CCDC62: variants seen among roughly 807,000 people sequenced by gnomAD.
CCDC62 encodes coiled-coil domain containing 62, also known as coiled-coil domain-containing protein 62.
A neutral mutation model predicts 80.8 loss-of-function variants in CCDC62; 72 were observed. The ratio of observed to expected loss-of-function variants is 0.89; its 90% confidence interval spans 0.74 to 1.08. CCDC62 has a LOEUF of 1.08. CCDC62 is among the 50% of genes least tolerant of loss of function. The probability of loss-of-function intolerance (pLI) is 0.00; values close to 1 mark genes in which losing one functional copy is unlikely to be tolerated. For missense variants in CCDC62, 704 were observed against 809.4 expected (o/e 0.87, Z 1.58); for synonymous variants, 286 against 296.5 (o/e 0.96, Z 0.36).
At chr12:122,804,699 T>C (rs987341115) in intron 9 of CCDC62, among the ~76,000 whole-genome samples, 1 of 151,942 alleles carries the variant, frequency 6.6e-6, no homozygotes, top group Non-Finnish European at 1.5e-5. Flanking sequence ...TTTTCACAAG[T>C]ATAACCTTAT....
intron 11 of CCDC62, among the ~76,000 whole-genome samples, 159 bp from the exon 12 acceptor site, chr12:122,823,207 C>T (rs7954285): frequency 0.8 from 121,797 of 152,132 alleles, 49,749 homozygotes; most frequent in Middle Eastern, 0.9. Context: ...GTGATCCGCC[C>T]ACCCTGGCCT....
intron 2 of CCDC62, among the ~76,000 whole-genome samples, chr12:122,779,736 T>C (rs1039758383): frequency 1.3e-5 from 2 of 151,718 alleles, no homozygotes; most frequent in Non-Finnish European, 2.9e-5. Flanking sequence ...GGTGAAACCC[T>C]GTCTCTACTA....
At chr12:122,790,135 C>T (rs1023439276) in intron 5 of CCDC62, among the ~76,000 whole-genome samples, 2 of 152,094 alleles carry the variant, frequency 1.3e-5, no homozygotes, top group Admixed American at 6.5e-5. Flanking sequence ...ACTGCAACCT[C>T]CACCTCCTGG....
In CCDC62 at chr12:122,781,194, G is replaced by A; in HGVS notation, c.260G>A (p.Arg87Lys). The A allele has an allele frequency of 6.2e-7, 1 of 1,613,834 alleles. No homozygotes were observed. The highest frequency in any genetic ancestry group is 8.5e-7 in the Non-Finnish European group (1 of 1,179,916). The change falls in exon 3 of 13, where the codon AGG becomes AAG. Residue 87 changes from arginine (R) to lysine (K), a missense_variant. By Grantham distance (26) the Arg-to-Lys change is conservative. Transcript: ENST00000253079. ...GELHKRTEII[R>K]SLTKKVKALE... ...CTACATAAAAGAACTGAAATAATCA[G>A]GTCACTCACGAAGAAGGTAAAAGCT...
At chr12:122,814,847 A>G (rs1447257246) in intron 11 of CCDC62, among the ~76,000 whole-genome samples, 3 of 147,700 alleles carry the variant, frequency 2.0e-5, no homozygotes, top group Non-Finnish European at 4.5e-5. Flanking sequence ...TTGAGACAGC[A>G]TCTTCCTCTG....
chr12:122,808,703 T>G (rs1424223915), intron 10 of CCDC62, among the ~76,000 whole-genome samples: 1 of 152,036 alleles, frequency 6.6e-6, no homozygotes, highest in Non-Finnish European at 1.5e-5. Context: ...ATTTTTACAT[T>G]TGTTGTGGAG....
chr12:122,805,327 T>C (rs975627076), intron 9 of CCDC62, among the ~76,000 whole-genome samples: 13 of 147,208 alleles, frequency 8.8e-5, no homozygotes, highest in African/African-American at 3.2e-4. Context: ...CTTTACCTAA[T>C]AATTTTGTCT....
At position 122,785,766 on chromosome 12, in the gene CCDC62, G is replaced by A. The variant is rs781661731; in HGVS notation, c.444G>A (p.Gln148=). ...ACACGTTAGTGGAACTTTCTGCCCAGGTAGGACAGCTACAAGCTCGAGAAC... is the reference window on the plus strand; with the variant it reads ...ACACGTTAGTGGAACTTTCTGCCCAAGTAGGACAGCTACAAGCTCGAGAAC... ...LSNTLVELSA[Q]VGQLQAREQA... is the part of the protein sequence containing the mutation. Residue 148 remains glutamine, a synonymous_variant, in exon 4 of 13, where the codon CAG becomes CAA. Coordinates refer to ENST00000253079, the MANE Select transcript of CCDC62 (RefSeq NM_201435.5). 1.9e-6 allele frequency: 3 copies of A among 1,614,062 alleles called. No homozygotes were observed. The highest frequency in any genetic ancestry group is 2.5e-6 in the Non-Finnish European group (3 of 1,179,932).
chr12:122,826,285 T>C (rs1329251044), intron 12 of CCDC62, 137 bp from the exon 13 acceptor site: 2 of 477,906 alleles, frequency 4.2e-6, no homozygotes, highest in Non-Finnish European at 7.6e-6. Flanking sequence ...TTCATATTTA[T>C]AGTATTTTGC....
rs761119386 is a variant in CCDC62, at chr12:122,781,278, A to G, written c.344A>G (p.Gln115Arg). The G allele has an allele frequency of 1.2e-6, 2 of 1,614,186 alleles. No individual in the cohort carries two copies. The highest frequency in any genetic ancestry group is 3.3e-5 in the Admixed American group (2 of 60,008). ...TALQKTQLQLQEMAQKATHSS... is the reference protein window; with the variant it reads ...TALQKTQLQLREMAQKATHSS... ...CTCCAAAAGACCCAACTACAGCTTC[A>G]GGAAATGGCTCAAAAGGCAACGCAT... is the stretch of plus-strand genomic sequence containing the variant. The change falls in exon 3 of 13, where the codon CAG (glutamine) becomes CGG (arginine). Residue 115 changes from glutamine (Q) to arginine (R), a missense_variant. Coordinates refer to ENST00000253079, the MANE Select transcript of CCDC62 (RefSeq NM_201435.5).
intron 11 of CCDC62, among the ~76,000 whole-genome samples, chr12:122,819,529 A>G (rs959197401): frequency 4.6e-5 from 7 of 152,210 alleles, no homozygotes; most frequent in African/African-American, 1.7e-4. Context: ...ATGAAATGGC[A>G]TAGGCACACG....
intron 11 of CCDC62, among the ~76,000 whole-genome samples, chr12:122,813,877 A>G (rs976752128): frequency 3.3e-5 from 5 of 152,004 alleles, no homozygotes; most frequent in Middle Eastern, 3.4e-3. Context: ...GGCTGGTCTC[A>G]AACTCCTGAT....
chr12:122,825,645 C>A (rs1458436148), intron 12 of CCDC62, among the ~76,000 whole-genome samples: 1 of 150,274 alleles, frequency 6.7e-6, no homozygotes, highest in African/African-American at 2.4e-5. Flanking sequence ...CGTGGCCCCC[C>A]ACGCCTAGCC....
chr12:122,807,033 A>G (rs1019252555), intron 10 of CCDC62, among the ~76,000 whole-genome samples: 8 of 152,044 alleles, frequency 5.3e-5, no homozygotes, highest in Admixed American at 3.3e-4. Context: ...CTGCAGAGAC[A>G]TGCATACAGA....
intron 3 of CCDC62, among the ~76,000 whole-genome samples, chr12:122,783,578 G>T (rs1235997922): frequency 6.6e-6 from 1 of 152,020 alleles, no homozygotes; most frequent in Non-Finnish European, 1.5e-5. Flanking sequence ...AATATAATGA[G>T]TCTTTATTCA....
intron 11 of CCDC62, among the ~76,000 whole-genome samples, chr12:122,822,769 C>T (rs1474432712): frequency 1.3e-5 from 2 of 151,942 alleles, no homozygotes; most frequent in East Asian, 1.9e-4. Flanking sequence ...AGTCTAATGT[C>T]CTCCAGGTTC....
At chr12:122,791,044 C>G (rs2030569834) in intron 5 of CCDC62, among the ~76,000 whole-genome samples, 1 of 152,152 alleles carries the variant, frequency 6.6e-6, no homozygotes, top group Admixed American at 6.6e-5. Context: ...ATGCTGGGCT[C>G]TGCAGTTTGT....
chr12:122,775,704 C>G (rs944178538), intron 1 of CCDC62, among the ~76,000 whole-genome samples: 4 of 152,176 alleles, frequency 2.6e-5, no homozygotes, highest in African/African-American at 9.7e-5. Context: ...CCTCTGCTTC[C>G]CGAGTTCAAG....
At chr12:122,777,738 A>G in intron 2 of CCDC62, 55 bp downstream of exon 2, 1 of 1,485,788 alleles carries the variant, frequency 6.7e-7, no homozygotes, top group Admixed American at 1.7e-5. Context: ...TAACACATTG[A>G]TGGGCTCATA....
Sources: gnomAD v4.1 joint callset for allele counts (sites outside exome capture counted in the v4.1 genomes callset) on GRCh38, gnomAD v4.1.1 for gene constraint, MANE v1.5 for transcripts, NCBI Gene and HGNC (gene_info 2026-07-23, HGNC 2026-07-21) for gene names.